The following PPM1L variants were observed in gnomAD, a reference collection of about 807,000 sequenced individuals.
The protein encoded by PPM1L is protein phosphatase, Mg2+/Mn2+ dependent 1L, also known as protein phosphatase 1L.
In PPM1L, 13 loss-of-function variants were observed where a neutral mutation model predicts 31.4. That is an observed-to-expected ratio of 0.41 (90% CI 0.27 to 0.66). PPM1L has a LOEUF of 0.66. PPM1L is among the 30% of genes least tolerant of loss of function. The probability of loss-of-function intolerance (pLI) is 0.29; values close to 1 mark genes in which losing one functional copy is unlikely to be tolerated. For synonymous variants in PPM1L, 184 were observed against 175.4 expected (o/e 1.05, Z -0.39); for missense variants, 326 against 453.7 (o/e 0.72, Z 2.56).
chr3:161,020,743 G>C (rs1172441387), intron 2 of PPM1L, among the ~76,000 whole-genome samples: 1 of 151,910 alleles, frequency 6.6e-6, no homozygotes, highest in African/African-American at 2.4e-5. Context: ...TAGGTCTGTT[G>C]GGATCTTCTG....
intron 2 of PPM1L, among the ~76,000 whole-genome samples, chr3:161,052,862 C>A (rs1719314936): frequency 6.6e-6 from 1 of 152,216 alleles, no homozygotes; most frequent in East Asian, 1.9e-4. Flanking sequence ...CTGTGCCTCT[C>A]ATTTTCAGCC....
chr3:161,006,566 G>A (rs905493712), intron 2 of PPM1L, among the ~76,000 whole-genome samples: 1 of 151,860 alleles, frequency 6.6e-6, no homozygotes, highest in African/African-American at 2.4e-5. Flanking sequence ...CTGAAGGTGA[G>A]GTGAAAAACT....
intron 2 of PPM1L, among the ~76,000 whole-genome samples, chr3:160,969,048 CTTGTGTTCCT>C (rs1716241355): frequency 3.3e-5 from 5 of 152,308 alleles, no homozygotes; most frequent in African/African-American, 1.2e-4. Flanking sequence ...CTGGCTGTTT[CTTGTGTTCCT>C]TTGGGTATCA....
intron 1 of PPM1L, among the ~76,000 whole-genome samples, chr3:160,944,089 T>A (rs996242455): frequency 6.6e-6 from 1 of 152,068 alleles, no homozygotes; most frequent in African/African-American, 2.4e-5. Context: ...GACATAAAGA[T>A]AGGACACTGT....
chr3:161,060,748 GT>G (rs535967146), intron 2 of PPM1L, among the ~76,000 whole-genome samples: 4 of 148,172 alleles, frequency 2.7e-5, no homozygotes, highest in African/African-American at 5.0e-5. Context: ...AGCTTTTTGG[GT>G]TTTTTTTTAA....
intron 1 of PPM1L, among the ~76,000 whole-genome samples, chr3:160,951,808 G>A (rs534802235): frequency 2.0e-5 from 3 of 152,280 alleles, no homozygotes; most frequent in African/African-American, 4.8e-5. Flanking sequence ...ATATTCAGCC[G>A]TTTAGATGAT....
chr3:160,934,830 G>A (rs1475157572), intron 1 of PPM1L, among the ~76,000 whole-genome samples: 1 of 152,042 alleles, frequency 6.6e-6, no homozygotes, highest in Non-Finnish European at 1.5e-5. Context: ...GTGCATGCCT[G>A]TAGTCCCAGC....
chr3:160,959,241 A>T (rs1190828324), intron 1 of PPM1L, among the ~76,000 whole-genome samples: 1 of 151,954 alleles, frequency 6.6e-6, no homozygotes, highest in Non-Finnish European at 1.5e-5. Flanking sequence ...AGCGAGAGCT[A>T]AGCTATGAGG....
At position 160,844,532 on chromosome 3, in the gene PPM1L, C is replaced by T. The variant is rs1407628291; in HGVS notation, c.399+87825C>T. 4.6e-5 allele frequency among the ~76,000 whole-genome samples: 7 copies of T among 152,024 alleles called. No individual in the cohort carries two copies. The East Asian group carries it at 5.8e-4, about 13-fold the overall frequency. ...TAAATACTTGTCTTTTGCCAGATAC[C>T]GGTTTGCAAATCTTTTCTTGCCATC... On this transcript the variant is annotated intron_variant, in intron 1 of 3. Transcript: ENST00000498165.
At chr3:160,802,950 A>T (rs931576397) in intron 1 of PPM1L, among the ~76,000 whole-genome samples, 1 of 152,196 alleles carries the variant, frequency 6.6e-6, no homozygotes, top group African/African-American at 2.4e-5. Flanking sequence ...CATGGACTCT[A>T]TTAAGATAGA....
intron 1 of PPM1L, among the ~76,000 whole-genome samples, chr3:160,797,301 C>A (rs984175483): frequency 6.6e-6 from 1 of 152,118 alleles, no homozygotes; most frequent in African/African-American, 2.4e-5. Context: ...GAATCACACC[C>A]ATAGAAGACA....
chr3:160,776,717 C>T (rs1397717984), intron 1 of PPM1L, among the ~76,000 whole-genome samples: 12 of 151,832 alleles, frequency 7.9e-5, no homozygotes, highest in African/African-American at 2.7e-4. Context: ...ATTCTCCTGC[C>T]TCAGCCTCCT....
rs1312034543 is a variant in PPM1L, at chr3:161,076,084, T to C, written c.*6927T>C. 1.3e-5 allele frequency: 2 copies of C among 152,066 alleles called. No individual in the cohort carries two copies. The highest frequency in any genetic ancestry group is 2.4e-5 in the African/African-American group (1 of 41,394). 9.4% of individuals were successfully genotyped at this position (152,066 alleles called of 1,614,324 possible). On this transcript the variant is annotated 3_prime_UTR_variant, in exon 4 of 4. Transcript: ENST00000498165. The stretch of plus-strand genomic sequence containing the variant: ...AATTTCACAAAAACCAACCACAGAG[T>C]GATTTGATATTCTTGCTTCTTAGAG...
At chr3:160,917,573 G>A (rs1714230724) in intron 1 of PPM1L, among the ~76,000 whole-genome samples, 2 of 152,064 alleles carry the variant, frequency 1.3e-5, no homozygotes, top group African/African-American at 4.8e-5. Context: ...CTTATATTAG[G>A]CATGATTTTC....
intron 1 of PPM1L, among the ~76,000 whole-genome samples, chr3:160,772,271 T>A (rs1020319925): frequency 6.6e-6 from 1 of 152,212 alleles, no homozygotes; most frequent in African/African-American, 2.4e-5. Flanking sequence ...CAAAGGATTA[T>A]GTAATGCAAA....
intron 1 of PPM1L, among the ~76,000 whole-genome samples, chr3:160,957,814 G>C (rs1715827245): frequency 6.6e-6 from 1 of 152,008 alleles, no homozygotes; most frequent in African/African-American, 2.4e-5. Context: ...CTGACCTTGT[G>C]ATCCGCCCGC....
intron 1 of PPM1L, among the ~76,000 whole-genome samples, chr3:160,798,509 C>T (rs1006751622): frequency 2.0e-5 from 3 of 152,226 alleles, no homozygotes; most frequent in Admixed American, 6.5e-5. Context: ...CTTATGCTCT[C>T]GAAATGGAAC....
At chr3:160,995,475 C>T (rs1193215495) in intron 2 of PPM1L, among the ~76,000 whole-genome samples, 1 of 152,060 alleles carries the variant, frequency 6.6e-6, no homozygotes, top group Non-Finnish European at 1.5e-5. Context: ...TGCCTGCCAC[C>T]ACACCCAGCT....
At chr3:160,776,537 T>TA (rs766064625) in intron 1 of PPM1L, among the ~76,000 whole-genome samples, 14 of 152,078 alleles carry the variant, frequency 9.2e-5, no homozygotes, top group Admixed American at 2.6e-4. Context: ...ATGCCTATGA[T>TA]ATTATGGTTT....
Sources: gnomAD v4.1 joint callset for allele counts (sites outside exome capture counted in the v4.1 genomes callset) on GRCh38, gnomAD v4.1.1 for gene constraint, MANE v1.5 for transcripts, NCBI Gene and HGNC (gene_info 2026-07-23, HGNC 2026-07-21) for gene names.